The following RYR2 variants were observed in gnomAD, a reference collection of about 807,000 sequenced individuals.
RYR2 encodes the protein ryanodine receptor 2.
Under a neutral mutation model 601.1 loss-of-function variants are expected in RYR2, and 227 were observed. The observed-to-expected ratio is 0.38, with a 90% CI of 0.34 to 0.42. The LOEUF (loss-of-function observed/expected upper bound fraction) is 0.42, where lower values mean the gene tolerates loss of function less well. Ranked by LOEUF, RYR2 falls within the 10% of genes least tolerant of loss-of-function variation. The pLI is 1.00. For missense variants in RYR2, 4,646 were observed against 6,156.5 expected (o/e 0.75, Z 8.21); for synonymous variants, 2,223 against 2,175.1 (o/e 1.02, Z -0.61).
rs1404052093 is a variant in RYR2, at chr1:237,111,450, C to T, written c.48+68881C>T. On this transcript the variant is annotated intron_variant, in intron 1 of 104. Coordinates refer to ENST00000366574, the MANE Select transcript of RYR2 (RefSeq NM_001035.3). ...CAAAAATACAAAAATTAGCCGGGCG[C>T]GGTGGCAGGTGCCTGTTGTCCCAGC... 4.6e-5 allele frequency among the ~76,000 whole-genome samples: 7 copies of T among 152,082 alleles called. No homozygotes were observed. In the East Asian group the frequency reaches 9.7e-4, roughly 21 times the overall value.
intron 16 of RYR2, among the ~76,000 whole-genome samples, chr1:237,458,259 C>T (rs1659069444): frequency 6.6e-6 from 1 of 152,084 alleles, no homozygotes; most frequent in Admixed American, 6.6e-5. Context: ...GAAACCCTGT[C>T]TCTACTAAAA....
intron 22 of RYR2, 139 bp downstream of exon 22, chr1:237,503,644 G>A (rs555799298): frequency 2.6e-5 from 19 of 719,004 alleles, no homozygotes; most frequent in Non-Finnish European, 3.7e-5. Context: ...ACTGAAATGA[G>A]TCTCATAAAA....
chr1:237,074,383 C>G (rs1030755581), intron 1 of RYR2, among the ~76,000 whole-genome samples: 1 of 152,116 alleles, frequency 6.6e-6, no homozygotes, highest in Non-Finnish European at 1.5e-5. Flanking sequence ...CTGCCATAAC[C>G]TACGTACTAA....
At chr1:237,425,575 A>G (rs1435905765) in intron 12 of RYR2, among the ~76,000 whole-genome samples, 2 of 152,050 alleles carry the variant, frequency 1.3e-5, no homozygotes, top group Non-Finnish European at 2.9e-5. Flanking sequence ...CAGAGGATGC[A>G]GTTAGCTGAG....
intron 1 of RYR2, among the ~76,000 whole-genome samples, chr1:237,261,187 T>A (rs1428162722): frequency 6.6e-6 from 1 of 152,214 alleles, no homozygotes; most frequent in African/African-American, 2.4e-5. Flanking sequence ...AATTTGATCA[T>A]TTCTCTCTAC....
At chr1:237,787,092 A>G (rs940874349) in intron 91 of RYR2, among the ~76,000 whole-genome samples, 3 of 152,134 alleles carry the variant, frequency 2.0e-5, no homozygotes, top group African/African-American at 7.2e-5. Flanking sequence ...GATATTTTGC[A>G]CCTAAAGGAT....
chr1:237,442,476 C>T (rs1707997483), intron 13 of RYR2, among the ~76,000 whole-genome samples: 1 of 152,138 alleles, frequency 6.6e-6, no homozygotes, highest in African/African-American at 2.4e-5. Context: ...TGTATGCAGT[C>T]AGACATCCAC....
At chr1:237,355,935 G>GTTAT (rs1699256256) in intron 3 of RYR2, 30 bp from the exon 4 acceptor site, 1 of 1,581,134 alleles carries the variant, frequency 6.3e-7, no homozygotes, top group Non-Finnish European at 8.6e-7. Context: ...TTGTTTGTTT[G>GTTAT]TTATTTATTT....
chr1:237,463,971 G>A (rs1659766840), intron 16 of RYR2, among the ~76,000 whole-genome samples: 1 of 152,110 alleles, frequency 6.6e-6, no homozygotes, highest in Non-Finnish European at 1.5e-5. Context: ...AAATTAAGAA[G>A]GCAGAAACTA....
intron 2 of RYR2, among the ~76,000 whole-genome samples, chr1:237,310,123 G>A (rs1216024727): frequency 1.3e-5 from 2 of 152,220 alleles, no homozygotes; most frequent in Non-Finnish European, 2.9e-5. Flanking sequence ...AGGCCGAGGA[G>A]GTGCTGAGAG....
At chr1:237,051,282 T>TTC (rs148264575) in intron 1 of RYR2, among the ~76,000 whole-genome samples, 2,327 of 79,312 alleles carry the variant, frequency 0.029, 89 homozygotes, top group African/African-American at 0.096. Context: ...TCTCCTCCCC[T>TTC]TCTCTCTCTC....
At chr1:237,336,869 TA>T (rs1697289933) in intron 3 of RYR2, among the ~76,000 whole-genome samples, 6 of 147,246 alleles carry the variant, frequency 4.1e-5, no homozygotes, top group South Asian at 2.2e-4. Flanking sequence ...AATAAATAAA[TA>T]AATTAATTAA....
chr1:237,771,944 G>T, intron 85 of RYR2, 68 bp from the exon 86 acceptor site: 1 of 856,106 alleles, frequency 1.2e-6, no homozygotes, highest in Non-Finnish European at 1.9e-6. Flanking sequence ...ATTTGCCTTT[G>T]GAGTTCTTAG....
chr1:237,473,437 CTT>C (rs1553464669), intron 17 of RYR2, among the ~76,000 whole-genome samples: 1 of 94,786 alleles, frequency 1.1e-5, no homozygotes, highest in Non-Finnish European at 2.7e-5. Context: ...CTCTCTCTTT[CTT>C]TCTTTCTTTC....
At chr1:237,132,342 G>A (rs1450465177) in intron 1 of RYR2, among the ~76,000 whole-genome samples, 1 of 152,216 alleles carries the variant, frequency 6.6e-6, no homozygotes, top group African/African-American at 2.4e-5. Flanking sequence ...TGCAGTCCTG[G>A]ATGACTCCAT....
At chr1:237,620,914 A>G (rs1320892954) in intron 38 of RYR2, among the ~76,000 whole-genome samples, 5 of 152,172 alleles carry the variant, frequency 3.3e-5, no homozygotes, top group African/African-American at 1.2e-4. Flanking sequence ...CTATCATCAA[A>G]TAATAGATCT....
chr1:237,294,841 A>G (rs932718637), intron 2 of RYR2, among the ~76,000 whole-genome samples: 1 of 152,196 alleles, frequency 6.6e-6, no homozygotes, highest in African/African-American at 2.4e-5. Flanking sequence ...AAGGGGAGTT[A>G]TTGAAATAAT....
chr1:237,210,134 A>G (rs975571090), intron 1 of RYR2, among the ~76,000 whole-genome samples: 1 of 152,184 alleles, frequency 6.6e-6, no homozygotes, highest in Non-Finnish European at 1.5e-5. Flanking sequence ...ATTTTTAAAA[A>G]TAAATTTGGA....
intron 101 of RYR2, among the ~76,000 whole-genome samples, chr1:237,827,900 G>A (rs1383729285): frequency 8.2e-6 from 1 of 121,238 alleles, no homozygotes; most frequent in East Asian, 2.6e-4. Context: ...TTGTGCCACT[G>A]CACTCCAGCC....
Sources: gnomAD v4.1 joint callset for allele counts (sites outside exome capture counted in the v4.1 genomes callset) on GRCh38, gnomAD v4.1.1 for gene constraint, MANE v1.5 for transcripts, NCBI Gene and HGNC (gene_info 2026-07-23, HGNC 2026-07-21) for gene names.